The following UBA6 variants were observed in gnomAD, a reference collection of about 807,000 sequenced individuals.
The protein encoded by UBA6 is ubiquitin like modifier activating enzyme 6.
UBA6 carries 87 observed loss-of-function variants against 148.3 expected under a neutral mutation model. The observed-to-expected ratio is 0.59, with a 90% CI of 0.49 to 0.70. The LOEUF is 0.70. Ranked by LOEUF, UBA6 falls within the 30% of genes least tolerant of loss-of-function variation. The pLI is 0.00. For synonymous variants in UBA6, 376 were observed against 401.0 expected (o/e 0.94, Z 0.75); for missense variants, 1,186 against 1,241.2 (o/e 0.96, Z 0.67).
rs565327695 is a variant in UBA6 at position 67,669,314 on chromosome 4, T to C, written c.670-640A>G. ...TGCCTGAAAGAATAACTCAGGTAGATAATAATCACTCTTTGAGCAGAAAGA... is the reference window on the plus strand; with the variant it reads ...TGCCTGAAAGAATAACTCAGGTAGACAATAATCACTCTTTGAGCAGAAAGA... On this transcript the variant is annotated intron_variant, in intron 8 of 32. Coordinates refer to ENST00000322244, the MANE Select transcript of UBA6 (RefSeq NM_018227.6). 1.4e-4 allele frequency among the ~76,000 whole-genome samples: 21 copies of C among 152,286 alleles called. No homozygotes were observed. The East Asian group carries it at 2.7e-3, about 20-fold the overall frequency.
Position 67,626,455 on chromosome 4 carries a change from G to C in UBA6, c.2423C>G (p.Ala808Gly). ...SNKVVQTDET[A>G]RKPDHVPISS... The stretch of plus-strand genomic sequence containing the variant: ...AATAGGAACATGGTCTGGTTTCCTT[G>C]CAGTTTCATCTGTTTGAACAACCTT... The change falls in exon 28 of 33, where the codon GCA becomes GGA. Residue 808 changes from alanine (A) to glycine (G), a missense_variant. Coordinates refer to ENST00000322244, the MANE Select transcript of UBA6 (RefSeq NM_018227.6). The C allele has an allele frequency of 6.2e-7, 1 of 1,609,384 alleles. No individual in the cohort carries two copies. The highest frequency in any genetic ancestry group is 8.5e-7 in the Non-Finnish European group (1 of 1,177,248).
rs1180239725 is a variant in UBA6, at chr4:67,649,076, A to T, written c.1240T>A (p.Cys414Ser). The T allele has an allele frequency of 6.2e-7, 1 of 1,613,618 alleles. No individual in the cohort carries two copies. The highest frequency in any genetic ancestry group is 8.5e-7 in the Non-Finnish European group (1 of 1,179,798). The change falls in exon 14 of 33, where the codon TGC becomes AGC. Residue 414 changes from cysteine to serine, a missense_variant. Cys to Ser is a moderately radical substitution (Grantham distance 112). Transcript: ENST00000322244. ...KAVTGKFSPL[C>S]QWLYLEAADI... ...AAAAACTCAGAACTAACCCACTGGC[A>T]CAAAGGAGAAAATTTTCCTGTTACA...
At chr4:67,635,615 A>C (rs1729119925) in intron 19 of UBA6, 57 bp from the exon 20 acceptor site, 2 of 1,041,366 alleles carry the variant, frequency 1.9e-6, no homozygotes, top group Non-Finnish European at 3.0e-6. Context: ...AATGTAACCA[A>C]AGGACAACCT....
chr4:67,636,544 G>A (rs941803435), intron 19 of UBA6, among the ~76,000 whole-genome samples: 3 of 152,308 alleles, frequency 2.0e-5, no homozygotes, highest in South Asian at 2.1e-4. Flanking sequence ...GGCGCGCACC[G>A]CCACGCCTGA....
At chr4:67,663,672 T>C in intron 11 of UBA6, 2 of 509,180 alleles carry the variant, frequency 3.9e-6, no homozygotes, top group South Asian at 6.5e-5. Context: ...AACTTTTTCC[T>C]ATTACTTTAT....
rs1728623399 is a variant in UBA6 at position 67,616,201 on chromosome 4, G to A, written c.*2796C>T. On this transcript the variant is annotated 3_prime_UTR_variant, in exon 33 of 33. Transcript: ENST00000322244. ...GAAAGCATTCAGATTATATGTTTTT[G>A]AATCTATGAAAAGTAAAATCGCTAA... 7.6e-6 allele frequency: 3 copies of A among 393,220 alleles called. No individual in the cohort carries two copies. The highest frequency in any genetic ancestry group is 6.3e-5 in the African/African-American group (3 of 47,598). 24.4% of individuals were successfully genotyped at this position (393,220 alleles called of 1,614,324 possible). A position where few individuals can be genotyped will look rare whatever the true frequency, so the allele number is the denominator to read the frequency against.
intron 16 of UBA6, among the ~76,000 whole-genome samples, chr4:67,645,378 A>G (rs1424761965): frequency 6.6e-6 from 1 of 152,156 alleles, no homozygotes; most frequent in Non-Finnish European, 1.5e-5. Flanking sequence ...AGGAGAGTGG[A>G]TCATGAGGTC....
chr4:67,662,469 TTTTG>T (rs1729885296), intron 12 of UBA6: 4 of 439,672 alleles, frequency 9.1e-6, no homozygotes, highest in Non-Finnish European at 1.6e-5. Context: ...GTTTAGTTTT[TTTTG>T]TTTTTTTTTT....
At chr4:67,622,964 C>A (rs762268408) in intron 31 of UBA6, 39 bp from the exon 32 acceptor site, 1 of 1,521,502 alleles carries the variant, frequency 6.6e-7, no homozygotes, top group Non-Finnish European at 9.0e-7. Context: ...ATGAAAGCCT[C>A]GCTCAAACAT....
chr4:67,701,010 AC>A, intron 1 of UBA6, 38 bp downstream of exon 1: 1 of 1,604,286 alleles, frequency 6.2e-7, no homozygotes, highest in Non-Finnish European at 8.5e-7. Flanking sequence ...CCTGGGTCCC[AC>A]CCGCGACCCC....
intron 2 of UBA6, among the ~76,000 whole-genome samples, chr4:67,691,024 G>T (rs1202783293): frequency 6.6e-6 from 1 of 152,028 alleles, no homozygotes; most frequent in Non-Finnish European, 1.5e-5. Flanking sequence ...AATGTACACA[G>T]AGTTAAAAAT....
chr4:67,694,078 T>C (rs1730765297), intron 2 of UBA6, among the ~76,000 whole-genome samples: 1 of 151,168 alleles, frequency 6.6e-6, no homozygotes, highest in South Asian at 2.1e-4. Flanking sequence ...TAGCTGGGTG[T>C]GGTGGTGCAT....
rs559992965 is a variant in UBA6, at chr4:67,697,493, A to G, written c.72-786T>C. On this transcript the variant is annotated intron_variant, in intron 1 of 32. Coordinates refer to ENST00000322244, the MANE Select transcript of UBA6 (RefSeq NM_018227.6). ...CAGATTGTATACAACTGCCAAAACAATAACTATTCTGATGTCTTAACTGGT... is the reference window on the plus strand; with the variant it reads ...CAGATTGTATACAACTGCCAAAACAGTAACTATTCTGATGTCTTAACTGGT... Among the ~76,000 whole-genome samples, 25 of 152,338 alleles carry G rather than the reference A, an allele frequency of 1.6e-4. No individual in the cohort carries two copies. In the East Asian group the frequency reaches 2.5e-3, roughly 15 times the overall value.
chr4:67,677,314 C>A (rs1345615279), intron 6 of UBA6, among the ~76,000 whole-genome samples: 1 of 152,136 alleles, frequency 6.6e-6, no homozygotes, highest in Non-Finnish European at 1.5e-5. Context: ...CCCCAACTGA[C>A]ATATTCAGGT....
chr4:67,665,151 T>C, intron 10 of UBA6, 38 bp downstream of exon 10: 1 of 1,328,152 alleles, frequency 7.5e-7, no homozygotes, highest in Non-Finnish European at 1.0e-6. Context: ...TCTTTTTCTG[T>C]AAAAAAATGT....
At chr4:67,629,644 G>C (rs1263456622) in intron 26 of UBA6, among the ~76,000 whole-genome samples, 1 of 152,014 alleles carries the variant, frequency 6.6e-6, no homozygotes, top group Non-Finnish European at 1.5e-5. Context: ...TTGTCATTGA[G>C]AAGTTGCTTG....
intron 30 of UBA6, 24 bp from the exon 31 acceptor site, chr4:67,623,246 C>T (rs1728791907): frequency 6.4e-7 from 1 of 1,569,036 alleles, no homozygotes; most frequent in African/African-American, 1.4e-5. Context: ...ATATTCAGAA[C>T]AGAAACATTG....
chr4:67,675,168 C>A (rs10015138), intron 6 of UBA6, among the ~76,000 whole-genome samples: 1 of 152,004 alleles, frequency 6.6e-6, no homozygotes, highest in Non-Finnish European at 1.5e-5. Context: ...TGTGCTATAG[C>A]TTTGGTAATT....
At chr4:67,638,127 A>G (rs1729210854) in intron 19 of UBA6, 1 of 152,326 alleles carries the variant, frequency 6.6e-6, no homozygotes, top group Non-Finnish European at 1.5e-5. Context: ...AAAAGTGCTG[A>G]AGGCCTGGTA....
Sources: allele counts gnomAD v4.1 joint callset (sites outside exome capture counted in the v4.1 genomes callset), GRCh38; gene constraint gnomAD v4.1.1; transcripts MANE v1.5; gene names NCBI Gene and HGNC (gene_info 2026-07-23, HGNC 2026-07-21).